The following NCKAP5 variants were observed in gnomAD, a reference collection of about 807,000 sequenced individuals.
The protein encoded by NCKAP5 is NCK associated protein 5.
Under a neutral mutation model 167.0 loss-of-function variants are expected in NCKAP5, and 92 were observed. That is an observed-to-expected ratio of 0.55 (90% CI 0.47 to 0.66). The LOEUF (loss-of-function observed/expected upper bound fraction) is 0.66. Among genes scored for constraint, NCKAP5 ranks in the 30% least tolerant of loss-of-function variants. The pLI, the probability that NCKAP5 is intolerant of heterozygous loss-of-function variation, is 0.00. For missense variants in NCKAP5, 2,378 were observed against 2,315.0 expected (o/e 1.03, Z -0.56); for synonymous variants, 891 against 877.4 (o/e 1.02, Z -0.27).
chr2:132,702,670 G>C (rs1174891048), intron 19 of NCKAP5, among the ~76,000 whole-genome samples: 1 of 152,060 alleles, frequency 6.6e-6, no homozygotes, highest in Non-Finnish European at 1.5e-5. Flanking sequence ...GGTACTTTCT[G>C]TTTTTCTTCA....
intron 8 of NCKAP5, among the ~76,000 whole-genome samples, chr2:132,933,756 T>G (rs923793856): frequency 6.6e-6 from 1 of 152,158 alleles, no homozygotes. Flanking sequence ...TACATATACA[T>G]GTGGAGGCCA....
intron 11 of NCKAP5, among the ~76,000 whole-genome samples, chr2:132,842,652 T>C (rs2105431941): frequency 6.6e-6 from 1 of 152,096 alleles, no homozygotes; most frequent in African/African-American, 2.4e-5. Flanking sequence ...TGGGCTCCAA[T>C]CCTCCCACTT....
chr2:133,443,963 A>C (rs1180896800), intron 3 of NCKAP5, among the ~76,000 whole-genome samples: 1 of 152,248 alleles, frequency 6.6e-6, no homozygotes, highest in Non-Finnish European at 1.5e-5. Flanking sequence ...AACAGTGTTA[A>C]TCAATGTATA....
intron 3 of NCKAP5, among the ~76,000 whole-genome samples, chr2:133,483,605 T>C (rs1487539074): frequency 2.1e-5 from 3 of 141,282 alleles, no homozygotes; most frequent in African/African-American, 7.9e-5. Context: ...TTGAGAACTT[T>C]GCTAATACTC....
intron 3 of NCKAP5, among the ~76,000 whole-genome samples, chr2:133,329,383 A>C (rs1194806338): frequency 6.6e-6 from 1 of 152,214 alleles, no homozygotes; most frequent in African/African-American, 2.4e-5. Flanking sequence ...ACAGGTTTCC[A>C]GTTGGCCTAG....
intron 11 of NCKAP5, among the ~76,000 whole-genome samples, chr2:132,821,876 G>A (rs1033388156): frequency 2.0e-5 from 3 of 152,068 alleles, no homozygotes; most frequent in Non-Finnish European, 2.9e-5. Context: ...TCCACCCAAG[G>A]AGAGTCTGAG....
At chr2:133,259,241 T>C (rs1253988659) in intron 4 of NCKAP5, among the ~76,000 whole-genome samples, 1 of 152,222 alleles carries the variant, frequency 6.6e-6, no homozygotes, top group Non-Finnish European at 1.5e-5. Flanking sequence ...CCCATTCCAC[T>C]GATTTCCTTC....
At chr2:132,896,981 A>G (rs1382155823) in intron 8 of NCKAP5, among the ~76,000 whole-genome samples, 2 of 152,202 alleles carry the variant, frequency 1.3e-5, no homozygotes, top group East Asian at 1.9e-4. Context: ...AGACCACATC[A>G]TCTCCAAAGT....
chr2:133,558,614 C>A (rs1253904996), intron 2 of NCKAP5, among the ~76,000 whole-genome samples: 2 of 142,700 alleles, frequency 1.4e-5, no homozygotes, highest in African/African-American at 5.3e-5. Flanking sequence ...TCTACACACA[C>A]AGAAGACCAC....
At chr2:133,594,884 ACATT>A in the NCKAP5 span, among the ~76,000 whole-genome samples, 122,884 of 151,486 alleles carry the variant, frequency 0.81, 49,952 homozygotes, top group Non-Finnish European at 0.83. Flanking sequence ...CCTCACTTAC[ACATT>A]CATTCATTCA....
the NCKAP5 span, among the ~76,000 whole-genome samples, chr2:133,636,874 T>C: frequency 6.6e-6 from 1 of 151,876 alleles, no homozygotes; most frequent in Admixed American, 6.6e-5. Flanking sequence ...CTCCATGAAA[T>C]AGTAGGTTAG....
intron 8 of NCKAP5, among the ~76,000 whole-genome samples, chr2:132,923,926 G>C (rs1424223724): frequency 6.6e-6 from 1 of 152,160 alleles, no homozygotes; most frequent in African/African-American, 2.4e-5. Context: ...TATTTGGATA[G>C]GATCTGACAC....
chr2:133,173,108 G>T (rs2084317026), intron 5 of NCKAP5, among the ~76,000 whole-genome samples: 1 of 152,166 alleles, frequency 6.6e-6, no homozygotes, highest in South Asian at 2.1e-4. Context: ...AAAGACTCAG[G>T]TGAGATTATG....
chr2:133,091,272 C>T (rs894551829), intron 6 of NCKAP5, among the ~76,000 whole-genome samples: 25 of 152,176 alleles, frequency 1.6e-4, no homozygotes, highest in African/African-American at 6.0e-4. Flanking sequence ...ATTCACTCAG[C>T]CTATGGATCT....
chr2:133,354,584 AT>A (rs1298051570), intron 3 of NCKAP5, among the ~76,000 whole-genome samples: 4 of 152,226 alleles, frequency 2.6e-5, no homozygotes, highest in Non-Finnish European at 5.9e-5. Flanking sequence ...AGGGAATTAA[AT>A]TGTCTAACAT....
intron 3 of NCKAP5, among the ~76,000 whole-genome samples, chr2:133,322,970 C>G (rs1302909678): frequency 6.6e-6 from 1 of 152,194 alleles, no homozygotes; most frequent in Non-Finnish European, 1.5e-5. Flanking sequence ...ACTTTGAGAA[C>G]TACTAGACTG....
At chr2:132,780,416 C>T (rs1478287889) in intron 15 of NCKAP5, among the ~76,000 whole-genome samples, 1 of 152,176 alleles carries the variant, frequency 6.6e-6, no homozygotes, top group African/African-American at 2.4e-5. Flanking sequence ...TCCCAAAGTG[C>T]TGGGATTACA....
the NCKAP5 span, among the ~76,000 whole-genome samples, chr2:133,651,892 G>A: frequency 1.3e-5 from 2 of 152,170 alleles, no homozygotes; most frequent in Non-Finnish European, 2.9e-5. Flanking sequence ...TCAATGGTTG[G>A]GGTTTCTGTG....
chr2:133,151,365 C>A (rs1023611160), intron 5 of NCKAP5, among the ~76,000 whole-genome samples: 1 of 151,914 alleles, frequency 6.6e-6, no homozygotes, highest in Non-Finnish European at 1.5e-5. Flanking sequence ...AAAAGACAAG[C>A]CACAGACTGG....
Sources: gnomAD v4.1 joint callset for allele counts (sites outside exome capture counted in the v4.1 genomes callset) on GRCh38, gnomAD v4.1.1 for gene constraint, MANE v1.5 for transcripts, NCBI Gene and HGNC (gene_info 2026-07-23, HGNC 2026-07-21) for gene names.